Variants in STK38L observed in about 807,000 individuals in gnomAD.
STK38L encodes serine/threonine kinase 38 like.
STK38L carries 28 observed loss-of-function variants against 59.7 expected under a neutral mutation model. The ratio of observed to expected loss-of-function variants is 0.47; its 90% CI spans 0.35 to 0.64. The LOEUF (loss-of-function observed/expected upper bound fraction) is 0.64. Among genes scored for constraint, STK38L ranks in the 30% least tolerant of loss-of-function variants. STK38L has a pLI of 0.01. For missense variants in STK38L, 314 were observed against 555.8 expected (o/e 0.56, Z 4.37); for synonymous variants, 162 against 176.8 (o/e 0.92, Z 0.66).
intron 1 of STK38L, among the ~76,000 whole-genome samples, chr12:27,290,505 C>G (rs1212765241): frequency 6.6e-6 from 1 of 152,226 alleles, no homozygotes; most frequent in Non-Finnish European, 1.5e-5. Context: ...CTTATACTTT[C>G]TGTCCTTACT....
At chr12:27,309,897 TA>T (rs1309151816) in intron 5 of STK38L, among the ~76,000 whole-genome samples, 3 of 152,246 alleles carry the variant, frequency 2.0e-5, no homozygotes, top group Non-Finnish European at 4.4e-5. Context: ...CTAAAATCTG[TA>T]ACCTTGTAAA....
chr12:27,315,806 C>T (rs902537073), intron 9 of STK38L, among the ~76,000 whole-genome samples: 3 of 152,170 alleles, frequency 2.0e-5, no homozygotes, highest in Admixed American at 1.3e-4. Flanking sequence ...TACAATAAAA[C>T]AGATAAAATT....
intron 1 of STK38L, among the ~76,000 whole-genome samples, chr12:27,272,527 A>C (rs1486698875): frequency 1.3e-5 from 2 of 152,202 alleles, no homozygotes. Flanking sequence ...AATTAGCTGC[A>C]TTCAAGGCAT....
At chr12:27,300,967 C>A (rs1247848816) in intron 2 of STK38L, among the ~76,000 whole-genome samples, 5 of 152,134 alleles carry the variant, frequency 3.3e-5, no homozygotes, top group Non-Finnish European at 7.3e-5. Context: ...TCAGTTAAAT[C>A]CTGAAAAGTT....
Position 27,319,494 on chromosome 12 carries a change from C to T in STK38L, c.1175+71C>T, listed in dbSNP as rs1944672010. ...TTTCTAGAGTTGGCAATTAATTTAC[C>T]TCTGATTCTGCTAGATTAAATACAA... On this transcript the variant is annotated intron_variant, in intron 12 of 13. Transcript: ENST00000389032. 5.9e-6 allele frequency: 6 copies of T among 1,008,852 alleles called. No individual in the cohort carries two copies. The South Asian group carries it at 8.6e-5, about 14-fold the overall frequency. The allele number at this position is 1,008,852 out of a possible 1,614,324, so 62.5% of individuals were successfully genotyped here. A position where few individuals can be genotyped will look rare whatever the true frequency, so the allele number is the denominator to read the frequency against.
intron 1 of STK38L, among the ~76,000 whole-genome samples, chr12:27,279,688 ATTTTTTT>A (rs10666650): frequency 1.9e-4 from 25 of 133,420 alleles, no homozygotes; most frequent in African/African-American, 6.1e-4. Flanking sequence ...AAAAAAAAAA[ATTTTTTT>A]TTTTTTTTTT....
chr12:27,288,159 A>T (rs982730132), intron 1 of STK38L, among the ~76,000 whole-genome samples: 3 of 152,180 alleles, frequency 2.0e-5, no homozygotes, highest in Admixed American at 6.5e-5. Flanking sequence ...TTACAGAGAC[A>T]TGAGCCACTG....
At chr12:27,244,907 C>T (rs1307987983) in intron 1 of STK38L, among the ~76,000 whole-genome samples, 1 of 152,202 alleles carries the variant, frequency 6.6e-6, no homozygotes, top group Non-Finnish European at 1.5e-5. Flanking sequence ...ACCCGTAGCC[C>T]CTTCCTTTCA....
chr12:27,293,004 T>G (rs985698014), intron 1 of STK38L, among the ~76,000 whole-genome samples: 1 of 152,176 alleles, frequency 6.6e-6, no homozygotes, highest in South Asian at 2.1e-4. Flanking sequence ...CCAGTGGCTA[T>G]GCATAGGCGC....
intron 2 of STK38L, among the ~76,000 whole-genome samples, chr12:27,301,851 G>A (rs1210940440): frequency 6.6e-6 from 1 of 152,134 alleles, no homozygotes; most frequent in Non-Finnish European, 1.5e-5. Context: ...AAGTAGCAGA[G>A]TTTTCCATAT....
At chr12:27,246,137 G>A (rs1269385008) in intron 1 of STK38L, among the ~76,000 whole-genome samples, 1 of 152,172 alleles carries the variant, frequency 6.6e-6, no homozygotes, top group Non-Finnish European at 1.5e-5. Context: ...CTAAAGGTAG[G>A]ACACTGTAAG....
rs371676326 is a variant in STK38L at position 27,253,006 on chromosome 12, G to A, written c.-12+8674G>A. On this transcript the variant is annotated intron_variant, in intron 1 of 13. Coordinates refer to ENST00000389032, the MANE Select transcript of STK38L (RefSeq NM_015000.4). ...ACAGAAAGTGACAACGGAGTAACAG[G>A]GTACTGTGGGAGCAGAGGAAAGAGA... 3.3e-5 allele frequency among the ~76,000 whole-genome samples: 5 copies of A among 152,262 alleles called. 1 individual carries two copies. The highest frequency in any genetic ancestry group is 1.2e-4 in the African/African-American group (5 of 41,544).
intron 1 of STK38L, among the ~76,000 whole-genome samples, chr12:27,269,147 G>T (rs572976486): frequency 7.4e-4 from 113 of 152,174 alleles, no homozygotes; most frequent in African/African-American, 2.6e-3. Flanking sequence ...GTCAATTTTG[G>T]CTTTTGTTGC....
chr12:27,274,147 G>A (rs1372142269), intron 1 of STK38L, among the ~76,000 whole-genome samples: 1 of 151,196 alleles, frequency 6.6e-6, no homozygotes, highest in African/African-American at 2.4e-5. Flanking sequence ...CAGTTACTCG[G>A]GAAGCTGAGG....
At chr12:27,251,208 A>C (rs1169950525) in intron 1 of STK38L, among the ~76,000 whole-genome samples, 1 of 152,152 alleles carries the variant, frequency 6.6e-6, no homozygotes, top group African/African-American at 2.4e-5. Flanking sequence ...TCAGACATAA[A>C]TTCTCTTGGG....
rs372832758 is a variant in STK38L, at chr12:27,297,698, A to G, written c.-11-12A>G. 5.5e-5 allele frequency: 88 copies of G among 1,597,578 alleles called. No individual in the cohort carries two copies. In the African/African-American group the frequency reaches 1.0e-3, roughly 18 times the overall value. ...TTCCCACTGAATAATTTGTTTTTCT[A>G]TGTTGTTTCAGTTTCCGTTACTATG... is the stretch of plus-strand genomic sequence containing the variant. On this transcript the variant is annotated splice_polypyrimidine_tract_variant and intron_variant, in intron 1 of 13. Transcript: ENST00000389032.
chr12:27,306,187 C>G (rs2136643615), intron 3 of STK38L, among the ~76,000 whole-genome samples: 1 of 152,200 alleles, frequency 6.6e-6, no homozygotes, highest in South Asian at 2.1e-4. Flanking sequence ...TGTGTGAGTG[C>G]TGCATTATAC....
chr12:27,315,316 A>G lies in STK38L; in HGVS notation c.803A>G (p.Lys268Arg). 1.2e-6 allele frequency: 2 copies of G among 1,613,836 alleles called. No homozygotes were observed. The highest frequency in any genetic ancestry group is 2.2e-5 in the South Asian group (2 of 91,036). Residue 268 changes from lysine (K) to arginine (R), a missense_variant, in exon 9 of 14, where the codon AAA (lysine) becomes AGA (arginine). Transcript: ENST00000389032. Reference protein sequence around the residue: ...FSFQNMNSKRKAETWKKNRRQ... With the variant: ...FSFQNMNSKRRAETWKKNRRQ... ...TTTCAGAACATGAACTCAAAGAGGA[A>G]AGCAGAAACTTGGAAGAAGAACAGG...
At chr12:27,269,246 G>A (rs1943367346) in intron 1 of STK38L, among the ~76,000 whole-genome samples, 2 of 152,056 alleles carry the variant, frequency 1.3e-5, no homozygotes, top group Admixed American at 1.3e-4. Flanking sequence ...GGTTTTTATG[G>A]TTTTTAGGTC....
Sources: allele counts gnomAD v4.1 joint callset (sites outside exome capture counted in the v4.1 genomes callset), GRCh38; gene constraint gnomAD v4.1.1; transcripts MANE v1.5; gene names NCBI Gene and HGNC (gene_info 2026-07-23, HGNC 2026-07-21).